MAPKBP1: variants seen among roughly 807,000 people sequenced by gnomAD.
The protein encoded by MAPKBP1 is mitogen-activated protein kinase binding protein 1.
A neutral mutation model predicts 170.5 loss-of-function variants in MAPKBP1; 71 were observed. That is an observed-to-expected ratio of 0.42 (90% CI 0.34 to 0.51). The LOEUF (loss-of-function observed/expected upper bound fraction) is 0.51. MAPKBP1 is among the 20% of genes least tolerant of loss of function. MAPKBP1 has a pLI of 0.06. For missense variants in MAPKBP1, 1,598 were observed against 1,933.0 expected, an observed-to-expected ratio of 0.83 and a Z score of 3.25; for synonymous variants, 719 against 757.9, an observed-to-expected ratio of 0.95 and a Z score of 0.84.
At position 41,817,682 on chromosome 15, in the gene MAPKBP1, T is replaced by C. The variant is rs1398387594; in HGVS notation, c.1851T>C (p.Asp617=). 1 of 1,614,028 alleles carries C rather than the reference T, an allele frequency of 6.2e-7. No individual in the cohort carries two copies. The highest frequency in any genetic ancestry group is 1.3e-5 in the African/African-American group (1 of 74,918). Residue 617 remains aspartate (D), a synonymous_variant, in exon 16 of 31, where the codon GAT becomes GAC. Coordinates refer to ENST00000457542, the MANE Select transcript of MAPKBP1 (RefSeq NM_014994.3). This position sits in a 1 kb window ranked among gnomAD's most constrained non-coding sequence, Gnocchi z 4.2. ...VVRKTTLYDM[D]VEPSWKYTAI... ...GGAAGACGACCCTCTATGACATGGA[T>C]GTGGAGCCCAGCTGGAAGTACACGG...
At chr15:41,778,841 A>G (rs1460032624) in intron 2 of MAPKBP1, among the ~76,000 whole-genome samples, 3 of 152,216 alleles carry the variant, frequency 2.0e-5, no homozygotes, top group Non-Finnish European at 4.4e-5. Flanking sequence ...GATTTAAGTT[A>G]GGGTTACAAA....
At chr15:41,815,538 A>G (rs1386392400) in intron 11 of MAPKBP1, 86 bp from the exon 12 acceptor site, 4 of 1,554,934 alleles carry the variant, frequency 2.6e-6, no homozygotes, top group East Asian at 2.3e-5. Flanking sequence ...CTGTGGTCCA[A>G]GGGTTTGTTT....
chr15:41,809,262 G>A (rs1481278409), intron 3 of MAPKBP1, among the ~76,000 whole-genome samples: 1 of 148,408 alleles, frequency 6.7e-6, no homozygotes, highest in African/African-American at 2.5e-5. Flanking sequence ...AGTAGGAAAT[G>A]GAGAAAGAAG....
At chr15:41,819,557 G>GGGGGGCCCCCCCCCCCCCCCC in intron 21 of MAPKBP1, 38 bp from the exon 22 acceptor site, 2 of 1,384,688 alleles carry the variant, frequency 1.4e-6, no homozygotes, top group Non-Finnish European at 2.0e-6. Context: ...CGGGGGGGGG[G>GGGGGGCCCCCCCCCCCCCCCC]CAGGAGACAC....
chr15:41,818,423 T>C lies in MAPKBP1; in HGVS notation c.2093-96T>C. 1 of 1,433,226 alleles carries C rather than the reference T, an allele frequency of 7.0e-7. No homozygotes were observed. The highest frequency in any genetic ancestry group is 9.7e-7 in the Non-Finnish European group (1 of 1,026,172). The allele number at this position is 1,433,226 out of a possible 1,614,324, so 88.8% of individuals were successfully genotyped here. A position where few individuals can be genotyped will look rare whatever the true frequency, so the allele number is the denominator to read the frequency against. On this transcript the variant is annotated intron_variant, in intron 18 of 30. Transcript: ENST00000457542. The surrounding 1 kb of genome is among the most constrained non-coding windows in gnomAD (Gnocchi z 5.2). The stretch of plus-strand genomic sequence containing the variant: ...TGGGACCCGCAGAGCTACCTATCCC[T>C]ACCCTGCAGCCAACCCCCGTGTCCA...
intron 2 of MAPKBP1, among the ~76,000 whole-genome samples, chr15:41,780,390 T>TGAA (rs1567132205): frequency 1.3e-5 from 2 of 152,230 alleles, no homozygotes; most frequent in East Asian, 3.8e-4. Context: ...ACTGACCCTT[T>TGAA]GTTTGGAGAA....
intron 2 of MAPKBP1, among the ~76,000 whole-genome samples, chr15:41,797,476 G>A (rs1173063073): frequency 6.6e-6 from 1 of 152,178 alleles, no homozygotes; most frequent in Non-Finnish European, 1.5e-5. Context: ...CTCTGGGAGA[G>A]TTGAAGGTTC....
At chr15:41,824,339 G>T in intron 29 of MAPKBP1, 145 bp from the exon 30 acceptor site, 3 of 826,246 alleles carry the variant, frequency 3.6e-6, no homozygotes, top group Non-Finnish European at 1.9e-6. Context: ...GGAGGCCGTT[G>T]GAAGAGAAGC....
In MAPKBP1 at chr15:41,823,608, C is replaced by A. The variant is rs149990798; in HGVS notation, c.3760C>A (p.Arg1254Ser). The A allele has an allele frequency of 6.2e-7, 1 of 1,614,172 alleles. No homozygotes were observed. The highest frequency in any genetic ancestry group is 2.2e-5 in the East Asian group (1 of 44,884). Residue 1254 changes from arginine (R) to serine (S), a missense_variant, in exon 29 of 31, where the codon CGC becomes AGC. This residue lies in a region of MAPKBP1 where 942 missense variants were observed against 953.2 expected (regional missense o/e 0.99). Coordinates refer to ENST00000457542, the MANE Select transcript of MAPKBP1 (RefSeq NM_014994.3). ...PTTSSMAKIS[R>S]SISVGENLGL... ...CACCAGTTCCATGGCCAAGATATCC[C>A]GCAGTATCTCTGTTGGGGAGAACCT... is the stretch of plus-strand genomic sequence containing the variant.
intron 3 of MAPKBP1, among the ~76,000 whole-genome samples, chr15:41,802,776 A>G (rs2064620240): frequency 6.6e-6 from 1 of 152,160 alleles, no homozygotes; most frequent in African/African-American, 2.4e-5. Context: ...GCCTGACCCA[A>G]AAGTATTTTC....
rs752457807 is a variant in MAPKBP1, at chr15:41,819,348, C to T, written c.2394C>T (p.Pro798=). Reference sequence around the variant, plus strand: ...CTGAAGAAGAACTTCCAGCACTGCCCGTCCTTGCCAAGAGTACCAAGAAGG... The same window carrying T: ...CTGAAGAAGAACTTCCAGCACTGCCTGTCCTTGCCAAGAGTACCAAGAAGG... ...EGTEEELPAL[P]VLAKSTKKAL... The change falls in exon 21 of 31, where the codon CCC becomes CCT. Residue 798 remains proline, a synonymous_variant. Transcript: ENST00000457542. 2.4e-5 allele frequency: 39 copies of T among 1,614,174 alleles called. No homozygotes were observed. In the Middle Eastern group the frequency reaches 9.9e-4, roughly 41 times the overall value.
intron 2 of MAPKBP1, among the ~76,000 whole-genome samples, chr15:41,793,848 G>C (rs2152072124): frequency 6.6e-6 from 1 of 152,344 alleles, no homozygotes; most frequent in South Asian, 2.1e-4. Flanking sequence ...GTCAGAAAGA[G>C]GGGTACTCAC....
intron 5 of MAPKBP1, chr15:41,811,440 C>T (rs1262451394): frequency 8.5e-6 from 6 of 705,470 alleles, no homozygotes; most frequent in South Asian, 6.0e-5. Context: ...ACATCACTAG[C>T]CTGGTCCTCA....
chr15:41,801,829 G>A (rs1472484699), intron 3 of MAPKBP1, among the ~76,000 whole-genome samples: 1 of 151,892 alleles, frequency 6.6e-6, no homozygotes, highest in Non-Finnish European at 1.5e-5. Flanking sequence ...CAGCCTGGGC[G>A]ACAAAGAGAG....
In MAPKBP1 at chr15:41,823,710, G is replaced by C. The variant is rs773912478; in HGVS notation, c.3862G>C (p.Ala1288Pro). 63 of 1,614,030 alleles carry C rather than the reference G, an allele frequency of 3.9e-5. No homozygotes were observed. Among genetic ancestry groups the C allele is most frequent in the Non-Finnish European group, 5.0e-5 (59 of 1,180,032 alleles). Reference protein sequence around the residue: ...PLSKLALPSRAHLVLDIPKPL... With the variant: ...PLSKLALPSRPHLVLDIPKPL... ...CAGCAAGCTGGCCCTGCCCAGCCGG[G>C]CTCACCTGGTCCTGGACATCCCCAA... Residue 1288 changes from alanine (A) to proline (P), a missense_variant, in exon 29 of 31, where the codon GCT (alanine) becomes CCT (proline). Physicochemically the swap from Ala to Pro is conservative, Grantham distance 27 (BLOSUM62 -1). Around this residue, in one of 6 missense-constraint regions of MAPKBP1, gnomAD observed 942 missense variants for 953.2 expected, o/e 0.99. Coordinates refer to ENST00000457542, the MANE Select transcript of MAPKBP1 (RefSeq NM_014994.3).
At chr15:41,815,492 T>C (rs1011135910) in intron 11 of MAPKBP1, 87 bp downstream of exon 11, 2 of 1,571,794 alleles carry the variant, frequency 1.3e-6, no homozygotes, top group Non-Finnish European at 1.7e-6. Flanking sequence ...AACTGGTCCC[T>C]AGGCCTTGGC....
chr15:41,817,473 C>A lies in MAPKBP1; in HGVS notation c.1782+15C>A. On this transcript the variant is annotated intron_variant, in intron 15 of 30. Transcript: ENST00000457542. The surrounding 1 kb of genome is among the most constrained non-coding windows in gnomAD (Gnocchi z 4.2). ...CTGCGCAGAAGGTGAGGGCGCTGGG[C>A]TTTCCTGAGAGGGGCGGGACAGGGC... is the stretch of plus-strand genomic sequence containing the variant. The A allele has an allele frequency of 1.2e-6, 1 of 813,972 alleles. No homozygotes were observed. Among genetic ancestry groups the A allele is most frequent in the South Asian group, 1.3e-5 (1 of 76,076 alleles). The allele number at this position is 813,972 out of a possible 1,614,324, so 50.4% of individuals were successfully genotyped here.
rs771815773 is a variant in MAPKBP1, at chr15:41,799,900, T to A, written c.192T>A (p.Val64=). The change falls in exon 3 of 31, where the codon GTT becomes GTA. Residue 64 remains valine, a synonymous_variant. Coordinates refer to ENST00000457542, the MANE Select transcript of MAPKBP1 (RefSeq NM_014994.3). ...GLACDPRSGL[V]AYPAGCVVVL... is the part of the protein sequence containing the mutation. ...CCTGTGACCCCCGATCAGGTTTAGT[T>A]GCTTACCCAGCAGGGTAAGTAAGCG... 1 of 1,614,038 alleles carries A rather than the reference T, an allele frequency of 6.2e-7. No homozygotes were observed.
rs1309474490 is a variant in MAPKBP1 at position 41,817,626 on chromosome 15, G to A, written c.1795G>A (p.Val599Met). ...FRTAQKSGDG[V>M]QFTRTHHVVR... ...TCCACCCCTGCAGTCTGGAGATGGA[G>A]TGCAGTTCACACGGACACACCACGT... The change falls in exon 16 of 31, where the codon GTG becomes ATG. Residue 599 changes from valine (V) to methionine (M), a missense_variant. Val to Met is a conservative substitution (Grantham distance 21). Transcript: ENST00000457542. This position sits in a 1 kb window ranked among gnomAD's most constrained non-coding sequence, Gnocchi z 4.2. 6.2e-7 allele frequency: 1 copy of A among 1,614,236 alleles called. No individual in the cohort carries two copies. The highest frequency in any genetic ancestry group is 1.1e-5 in the South Asian group (1 of 91,092).
Sources: gnomAD v4.1 joint callset for allele counts (sites outside exome capture counted in the v4.1 genomes callset) on GRCh38, gnomAD v4.1.1 for gene constraint, gnomAD v4.1.1 regional missense constraint, Gnocchi (gnomAD v3.1) non-coding constraint, MANE v1.5 for transcripts, NCBI Gene and HGNC (gene_info 2026-07-23, HGNC 2026-07-21) for gene names.